The following YES1 variants were observed in gnomAD, a reference collection of about 807,000 sequenced individuals.
YES1 encodes the protein tyrosine-protein kinase Yes.
YES1 carries 39 observed loss-of-function variants against 70.4 expected under a neutral mutation model. The ratio of observed to expected loss-of-function variants is 0.55; its 90% confidence interval spans 0.43 to 0.72. YES1 has a LOEUF of 0.72. Ranked by LOEUF, YES1 falls within the 30% of genes least tolerant of loss-of-function variation. The probability of loss-of-function intolerance (pLI) is 0.00; values close to 1 mark genes in which losing one functional copy is unlikely to be tolerated. For missense variants in YES1, 495 were observed against 644.8 expected, an observed-to-expected ratio of 0.77 and a Z score of 2.52; for synonymous variants, 198 against 218.6, an observed-to-expected ratio of 0.91 and a Z score of 0.83.
chr18:806,022 G>T (rs957012559), intron 1 of YES1, among the ~76,000 whole-genome samples: 1 of 152,076 alleles, frequency 6.6e-6, no homozygotes, highest in South Asian at 2.1e-4. Flanking sequence ...TTCCTGTTCC[G>T]TCCTCACCCC....
chr18:786,726 G>C (rs1568214386), intron 1 of YES1, among the ~76,000 whole-genome samples: 5 of 152,100 alleles, frequency 3.3e-5, no homozygotes. Flanking sequence ...TGGGAAAATA[G>C]GATTTGCTGC....
chr18:750,736 A>G (rs1260218403), intron 3 of YES1, among the ~76,000 whole-genome samples: 1 of 152,214 alleles, frequency 6.6e-6, no homozygotes, highest in Admixed American at 6.5e-5. Context: ...CAGGGGAGGA[A>G]GAATGTTAAG....
Position 727,922 on chromosome 18 carries a change from T to A in YES1, c.1424-3290A>T, listed in dbSNP as rs12326724. ...GCGTAGATAATATATAGGCTGAGTATCCCTTATCTGAAATGTTTGGGACCA... is the reference window on the plus strand; with the variant it reads ...GCGTAGATAATATATAGGCTGAGTAACCCTTATCTGAAATGTTTGGGACCA... On this transcript the variant is annotated intron_variant, in intron 11 of 11. Transcript: ENST00000314574. 3.6e-3 allele frequency among the ~76,000 whole-genome samples: 552 copies of A among 152,308 alleles called. 3 individuals are homozygous for A. Among genetic ancestry groups the A allele is most frequent in the African/African-American group, 0.012 (502 of 41,572 alleles).
chr18:725,837 T>C (rs1230914483), intron 11 of YES1, among the ~76,000 whole-genome samples: 1 of 152,056 alleles, frequency 6.6e-6, no homozygotes, highest in Non-Finnish European at 1.5e-5. Context: ...TGAGCCGAGA[T>C]TGCGCCATAG....
intron 1 of YES1, among the ~76,000 whole-genome samples, chr18:782,962 G>A (rs1286532764): frequency 6.6e-6 from 1 of 152,164 alleles, no homozygotes; most frequent in Non-Finnish European, 1.5e-5. Flanking sequence ...GATTACAGGC[G>A]TGAGCCATCA....
At chr18:761,010 A>G (rs1340283301) in intron 1 of YES1, among the ~76,000 whole-genome samples, 3 of 152,356 alleles carry the variant, frequency 2.0e-5, no homozygotes, top group Admixed American at 6.5e-5. Context: ...GGAAAGGCCA[A>G]TTAACATATG....
intron 1 of YES1, among the ~76,000 whole-genome samples, chr18:792,436 G>C (rs913958315): frequency 7.9e-5 from 12 of 152,204 alleles, no homozygotes; most frequent in Non-Finnish European, 1.5e-4. Flanking sequence ...TGGAGGCTGA[G>C]GCAGGAGGCC....
intron 2 of YES1, among the ~76,000 whole-genome samples, chr18:753,158 A>G (rs1040572098): frequency 9.2e-5 from 14 of 152,264 alleles, no homozygotes; most frequent in Admixed American, 4.6e-4. Context: ...TTCAGGTTAA[A>G]AACTCCATAA....
At chr18:732,289 A>T (rs1291781261) in intron 11 of YES1, among the ~76,000 whole-genome samples, 2 of 151,532 alleles carry the variant, frequency 1.3e-5, no homozygotes, top group Non-Finnish European at 2.9e-5. Context: ...AAATACAAAA[A>T]ATTAGCTGGG....
chr18:751,956 AT>A, intron 2 of YES1, 152 bp from the exon 3 acceptor site: 1 of 623,268 alleles, frequency 1.6e-6, no homozygotes, highest in Non-Finnish European at 2.8e-6. Flanking sequence ...CTACTGAAGA[AT>A]TTTAAAGTAG....
At chr18:747,845 T>C (rs1205202231) in intron 4 of YES1, 75 bp downstream of exon 4, 44 of 1,350,646 alleles carry the variant, frequency 3.3e-5, no homozygotes, top group Non-Finnish European at 4.5e-5. Flanking sequence ...GTGTGTAAAG[T>C]TGTGGCTAAG....
rs752721319 is a variant in YES1 at position 746,053 on chromosome 18, T to C, written c.471-2A>G. The C allele has an allele frequency of 6.2e-7, 1 of 1,606,446 alleles. No individual in the cohort carries two copies. Among genetic ancestry groups the C allele is most frequent in the East Asian group, 2.2e-5 (1 of 44,720 alleles). On this transcript the variant is annotated splice_acceptor_variant, in intron 4 of 11. Coordinates refer to ENST00000314574, the MANE Select transcript of YES1 (RefSeq NM_005433.4). LOFTEE classifies it high-confidence loss of function. ...CTCCCCATTTTGCCAAAATACCATC[T>C]GGAAAAAAATTAAGTGTTTTGAATT...
At chr18:809,952 C>A (rs1907288503) in intron 1 of YES1, among the ~76,000 whole-genome samples, 1 of 151,914 alleles carries the variant, frequency 6.6e-6, no homozygotes, top group South Asian at 2.1e-4. Flanking sequence ...TATTTCCCTT[C>A]ATAGAACCAC....
chr18:727,558 G>C (rs1351730774), intron 11 of YES1, among the ~76,000 whole-genome samples: 2 of 150,836 alleles, frequency 1.3e-5, no homozygotes, highest in African/African-American at 4.9e-5. Flanking sequence ...ATTTTTCAAT[G>C]TTCAATTTTT....
chr18:759,884 G>A (rs893998248), intron 1 of YES1, among the ~76,000 whole-genome samples: 4 of 102,934 alleles, frequency 3.9e-5, no homozygotes, highest in South Asian at 3.3e-4. Flanking sequence ...GACAAGCCCC[G>A]GTGTATGATG....
At chr18:761,157 CA>C (rs750432856) in intron 1 of YES1, among the ~76,000 whole-genome samples, 11 of 150,372 alleles carry the variant, frequency 7.3e-5, no homozygotes, top group Non-Finnish European at 5.9e-5. Context: ...TATATATCCA[CA>C]AAATATGTAA....
At chr18:779,305 G>A (rs368992803) in intron 1 of YES1, among the ~76,000 whole-genome samples, 3 of 151,794 alleles carry the variant, frequency 2.0e-5, no homozygotes, top group Non-Finnish European at 2.9e-5. Context: ...TCAGAAGGCT[G>A]AGGTGGGAGG....
chr18:798,242 C>G (rs1568219371), intron 1 of YES1: 2 of 152,268 alleles, frequency 1.3e-5, no homozygotes, highest in Middle Eastern at 3.4e-3. Flanking sequence ...TTCTGTGTCA[C>G]CTATTATTTC....
intron 10 of YES1, among the ~76,000 whole-genome samples, chr18:734,910 C>T (rs1224686799): frequency 6.6e-6 from 1 of 152,164 alleles, no homozygotes; most frequent in Non-Finnish European, 1.5e-5. Flanking sequence ...GTAATCCCAG[C>T]GCTTTGGGAA....
Sources: allele counts gnomAD v4.1 joint callset (sites outside exome capture counted in the v4.1 genomes callset), GRCh38; gene constraint gnomAD v4.1.1; transcripts MANE v1.5; gene names NCBI Gene and HGNC (gene_info 2026-07-23, HGNC 2026-07-21).